Variants in EPG5 observed in about 807,000 individuals in gnomAD.
EPG5 encodes the protein ectopic P-granules 5 autophagy tethering factor, also known as ectopic P granules protein 5 homolog.
Under a neutral mutation model 302.7 loss-of-function variants are expected in EPG5, and 159 were observed. The ratio of observed to expected loss-of-function variants is 0.53; its 90% CI spans 0.46 to 0.60. The LOEUF (loss-of-function observed/expected upper bound fraction) is 0.60, where lower values mean the gene tolerates loss of function less well. EPG5 is among the 20% of genes least tolerant of loss of function. EPG5 has a pLI of 0.00. For synonymous variants in EPG5, 1,158 were observed against 1,136.8 expected (o/e 1.02, Z -0.37); for missense variants, 2,896 against 3,092.4 (o/e 0.94, Z 1.51).
chr18:45,958,882 C>T (rs2051087622), intron 1 of EPG5, among the ~76,000 whole-genome samples: 1 of 152,162 alleles, frequency 6.6e-6, no homozygotes, highest in African/African-American at 2.4e-5. Flanking sequence ...GATCAATAAA[C>T]TGGTTCATCT....
At chr18:45,824,956 G>A in the EPG5 span, among the ~76,000 whole-genome samples, 4 of 152,140 alleles carry the variant, frequency 2.6e-5, no homozygotes, top group East Asian at 1.9e-4. Flanking sequence ...CAAGTGCCAA[G>A]GGAAGGGGGC....
rs1295265829 is a variant in EPG5 at position 45,951,163 on chromosome 18, G to C, written c.1328C>G (p.Thr443Ser). ...KECISVLFMF[T>S]RRVNEDTQFH... Reference sequence around the variant, plus strand: ...CTGAGTATCTTCATTAACTCTCCTGGTGAACATGAATAAGACACTAATGCA... The same window carrying C: ...CTGAGTATCTTCATTAACTCTCCTGCTGAACATGAATAAGACACTAATGCA... The change falls in exon 4 of 44, where the codon ACC becomes AGC. Residue 443 changes from threonine (T) to serine (S), a missense_variant. Coordinates refer to ENST00000282041, the MANE Select transcript of EPG5 (RefSeq NM_020964.3). The C allele has an allele frequency of 3.1e-5, 49 of 1,598,036 alleles. No homozygotes were observed. Among genetic ancestry groups the C allele is most frequent in the Non-Finnish European group, 4.2e-5 (49 of 1,173,498 alleles).
At position 45,931,477 on chromosome 18, in the gene EPG5, A is replaced by G. The variant is rs371255964; in HGVS notation, c.2258-647T>C. On this transcript the variant is annotated intron_variant, in intron 11 of 43. Transcript: ENST00000282041. ...CCATTAGGAAGCAATATTCACAAAT[A>G]TACATGACAGTAAACTACATGCAAA... 5.8e-4 allele frequency among the ~76,000 whole-genome samples: 88 copies of G among 152,362 alleles called. 2 individuals carry two copies. In the South Asian group the frequency reaches 0.018, roughly 30 times the overall value.
At chr18:45,925,436 G>A (rs904827271) in intron 14 of EPG5, among the ~76,000 whole-genome samples, 3 of 152,056 alleles carry the variant, frequency 2.0e-5, no homozygotes, top group Admixed American at 6.5e-5. Context: ...TAGTGCCACC[G>A]CACTCCAGCC....
the EPG5 span, among the ~76,000 whole-genome samples, chr18:45,805,157 G>C: frequency 6.6e-6 from 1 of 151,962 alleles, no homozygotes; most frequent in Non-Finnish European, 1.5e-5. Context: ...ATTTCTAAAA[G>C]GCACTAAATG....
chr18:45,930,780 A>G lies in EPG5; in HGVS notation c.2308T>C (p.Ser770Pro). 2 of 1,610,146 alleles carry G rather than the reference A, an allele frequency of 1.2e-6. No homozygotes were observed. Among genetic ancestry groups the G allele is most frequent in the Non-Finnish European group, 8.5e-7 (1 of 1,178,820 alleles). ...FEKCLSSMNS[S>P]EEICLLTTFA... The stretch of plus-strand genomic sequence containing the variant: ...GTAGTCAGAAGGCAAATCTCTTCTG[A>G]GCTATTCATAGAAGAAAGACACTTC... Residue 770 changes from serine (S) to proline (P), a missense_variant, in exon 12 of 44, where the codon TCA becomes CCA. By Grantham distance (74) the Ser-to-Pro change is moderately conservative. Around this residue, in one of 5 missense-constraint regions of EPG5, gnomAD observed 1,390 missense variants for 1,430.0 expected, o/e 0.97. Coordinates refer to ENST00000282041, the MANE Select transcript of EPG5 (RefSeq NM_020964.3).
chr18:45,930,855 A>G, intron 11 of EPG5, 25 bp from the exon 12 acceptor site: 1 of 1,563,654 alleles, frequency 6.4e-7, no homozygotes, highest in Non-Finnish European at 8.6e-7. Context: ...CAAGAAAATT[A>G]GAGTGGGGAA....
the EPG5 span, among the ~76,000 whole-genome samples, chr18:45,834,099 T>C: frequency 1.3e-5 from 2 of 152,196 alleles, no homozygotes; most frequent in African/African-American, 4.8e-5. Context: ...CCTAGAATGC[T>C]ACCTCAAGGC....
the EPG5 span, among the ~76,000 whole-genome samples, chr18:45,831,410 C>T: frequency 6.6e-6 from 1 of 152,208 alleles, no homozygotes; most frequent in Non-Finnish European, 1.5e-5. Flanking sequence ...AAACCACATT[C>T]TAGCTTTTCA....
chr18:45,838,795 G>A, the EPG5 span: 2 of 1,560,868 alleles, frequency 1.3e-6, no homozygotes, highest in South Asian at 1.2e-5. Flanking sequence ...TGCCGAAGGG[G>A]AGCCGCCGCC....
In EPG5 at chr18:45,913,693, C is replaced by CT. The variant is rs2049964009; in HGVS notation, c.3816+12dup. 1 of 1,613,662 alleles carries CT rather than the reference C, an allele frequency of 6.2e-7. No individual in the cohort carries two copies. The highest frequency in any genetic ancestry group is 8.5e-7 in the Non-Finnish European group (1 of 1,179,818). ...CACCTTCTACCACTCAAATGCAGAACTGCTATTTGTACCTTCAGAGCTTGG... is the reference window on the plus strand; with the variant it reads ...CACCTTCTACCACTCAAATGCAGAACTTGCTATTTGTACCTTCAGAGCTTGG... On this transcript the variant is annotated intron_variant, in intron 21 of 43. Transcript: ENST00000282041.
Position 45,910,726 on chromosome 18 carries a change from A to C in EPG5, c.4000T>G (p.Cys1334Gly). The C allele has an allele frequency of 6.2e-7, 1 of 1,613,974 alleles. No homozygotes were observed. Among genetic ancestry groups the C allele is most frequent in the Non-Finnish European group, 8.5e-7 (1 of 1,179,916 alleles). Residue 1334 changes from cysteine (C) to glycine (G), a missense_variant, in exon 23 of 44, where the codon TGT becomes GGT. Physicochemically the swap from Cys to Gly is radical, Grantham distance 159 (BLOSUM62 -3). Transcript: ENST00000282041. ...GPQYGLPIDG[C>G]IGRRFFQSPA... The stretch of plus-strand genomic sequence containing the variant: ...CTTTGAAAAAACCTTCTTCCAATAC[A>C]ACCATCTATGGGTAACCTTAAAAAA...
chr18:45,911,618 G>A (rs1241730156), intron 22 of EPG5, among the ~76,000 whole-genome samples: 1 of 152,014 alleles, frequency 6.6e-6, no homozygotes, highest in Non-Finnish European at 1.5e-5. Context: ...TCTATTTTTA[G>A]TAGAGACAGA....
chr18:45,868,347 T>C (rs1290630160), intron 36 of EPG5, among the ~76,000 whole-genome samples: 2 of 151,294 alleles, frequency 1.3e-5, no homozygotes, highest in Non-Finnish European at 3.0e-5. Context: ...TCCTTTTTTT[T>C]TTTTTTTGAG....
chr18:45,872,331 T>A (rs11660631), intron 35 of EPG5, among the ~76,000 whole-genome samples: 75,750 of 152,030 alleles, frequency 0.5, 19,586 homozygotes, highest in Non-Finnish European at 0.58. Flanking sequence ...TCCATGCTAA[T>A]GGAATGCAGT....
At chr18:45,959,613 T>C in intron 1 of EPG5, among the ~76,000 whole-genome samples, 1 of 148,856 alleles carries the variant, frequency 6.7e-6, no homozygotes. Flanking sequence ...ACCACTGCAC[T>C]CCAGTCTGGG....
In EPG5 at chr18:45,955,187, GCAT is replaced by G. The variant is rs772543151; in HGVS notation, c.212_214del (p.Asp71del). The G allele has an allele frequency of 6.2e-7, 1 of 1,614,132 alleles. No individual in the cohort carries two copies. The highest frequency in any genetic ancestry group is 8.5e-7 in the Non-Finnish European group (1 of 1,180,026). On this transcript the variant is annotated inframe_deletion, in exon 2 of 44. Coordinates refer to ENST00000282041, the MANE Select transcript of EPG5 (RefSeq NM_020964.3). Reference sequence around the variant, plus strand: ...CATTTCACTCTCATTTTGTCCACTGGCATCATCCTGGAGCTGGGAATCAGTTAC... The same window carrying G: ...CATTTCACTCTCATTTTGTCCACTGGCATCCTGGAGCTGGGAATCAGTTAC...
chr18:45,867,798 A>T, intron 36 of EPG5, 50 bp from the exon 37 acceptor site: 1 of 1,459,990 alleles, frequency 6.8e-7, no homozygotes, highest in South Asian at 1.2e-5. Flanking sequence ...CTATCTATGT[A>T]TCTGGAAAAT....
At chr18:45,952,753 A>G (rs548273455) in intron 2 of EPG5, 110 bp from the exon 3 acceptor site, 34 of 1,148,916 alleles carry the variant, frequency 3.0e-5, no homozygotes, top group Non-Finnish European at 4.0e-5. Flanking sequence ...CAAAGAGCTT[A>G]TAATCATGGT....
Sources: gnomAD v4.1 joint callset for allele counts (sites outside exome capture counted in the v4.1 genomes callset) on GRCh38, gnomAD v4.1.1 for gene constraint, gnomAD v4.1.1 regional missense constraint, MANE v1.5 for transcripts, NCBI Gene and HGNC (gene_info 2026-07-23, HGNC 2026-07-21) for gene names.